Variants in KDM4C observed in about 807,000 individuals in gnomAD.
KDM4C encodes the protein lysine demethylase 4C.
Under a neutral mutation model 129.3 loss-of-function variants are expected in KDM4C, and 81 were observed. The observed-to-expected ratio is 0.63, with a 90% CI of 0.52 to 0.75. The LOEUF (loss-of-function observed/expected upper bound fraction) is 0.75. Ranked by LOEUF, KDM4C falls within the 30% of genes least tolerant of loss-of-function variation. The pLI is 0.00. For missense variants in KDM4C, 1,457 were observed against 1,304.0 expected (o/e 1.12, Z -1.81); for synonymous variants, 573 against 456.1 (o/e 1.26, Z -3.26).
chr9:7,019,477 A>G (rs1824267229), intron 15 of KDM4C, among the ~76,000 whole-genome samples: 1 of 151,778 alleles, frequency 6.6e-6, no homozygotes, highest in African/African-American at 2.4e-5. Context: ...TGCCTTGTGA[A>G]GGTAAGGTTA....
At position 6,938,850 on chromosome 9, in the gene KDM4C, A is replaced by C. The variant is rs548567712; in HGVS notation, c.922-42075A>C. Among the ~76,000 whole-genome samples, 45 of 85,032 alleles carry C rather than the reference A, an allele frequency of 5.3e-4. No homozygotes were observed. The East Asian group carries it at 0.013, about 24-fold the overall frequency. 55.8% of individuals were successfully genotyped at this position (85,032 alleles called of 152,430 possible). On this transcript the variant is annotated intron_variant, in intron 8 of 21. Transcript: ENST00000381309. ...TAAATATTTATTTTTCAGATACACT[A>C]ATAATAAAATATTATTGTTCTTTCA...
chr9:6,749,108 C>T, intron 1 of KDM4C: 1 of 430,812 alleles, frequency 2.3e-6, no homozygotes, highest in Non-Finnish European at 4.5e-6. Context: ...CAACCTCTGC[C>T]TCCTAGGTTC....
At chr9:6,956,247 G>A (rs972445839) in intron 8 of KDM4C, among the ~76,000 whole-genome samples, 2 of 152,188 alleles carry the variant, frequency 1.3e-5, no homozygotes, top group Non-Finnish European at 2.9e-5. Flanking sequence ...TACTTCAAGA[G>A]TGTAATTGGA....
intron 2 of KDM4C, among the ~76,000 whole-genome samples, chr9:6,799,353 A>T (rs567428828): frequency 3.3e-5 from 5 of 152,248 alleles, no homozygotes; most frequent in Non-Finnish European, 7.3e-5. Context: ...ACTCGCGGTT[A>T]GGAGCTGGAG....
chr9:6,819,344 C>A (rs1448641604), intron 4 of KDM4C, among the ~76,000 whole-genome samples: 1 of 152,160 alleles, frequency 6.6e-6, no homozygotes, highest in Non-Finnish European at 1.5e-5. Flanking sequence ...GGAACATTGA[C>A]TTTAGACTTC....
chr9:6,804,338 A>T (rs984632926), intron 2 of KDM4C, among the ~76,000 whole-genome samples: 1 of 152,194 alleles, frequency 6.6e-6, no homozygotes, highest in Non-Finnish European at 1.5e-5. Context: ...CCATGGTGGG[A>T]GTACTATGCC....
intron 17 of KDM4C, among the ~76,000 whole-genome samples, chr9:7,062,118 C>G (rs764398475): frequency 6.6e-6 from 1 of 152,232 alleles, no homozygotes; most frequent in South Asian, 2.1e-4. Context: ...CAGGTGCCTG[C>G]CACCACACAC....
At chr9:7,174,420 T>C (rs1845257838) in intron 21 of KDM4C, 133 bp from the exon 22 acceptor site, 1 of 747,546 alleles carries the variant, frequency 1.3e-6, no homozygotes, top group African/African-American at 1.7e-5. Flanking sequence ...AAGCCATGCC[T>C]GGGGCCCTTT....
Position 7,099,861 on chromosome 9 carries a change from C to T in KDM4C, c.2425-3824C>T, listed in dbSNP as rs537259689. ...TAACCTTCTTTCATTCCCCTCCCTG[C>T]AGAACATACACTTTTCAATTTTCAA... On this transcript the variant is annotated intron_variant, in intron 17 of 21. Transcript: ENST00000381309. Among the ~76,000 whole-genome samples, 3 of 152,272 alleles carry T rather than the reference C, an allele frequency of 2.0e-5. No individual in the cohort carries two copies. In the South Asian group the frequency reaches 6.2e-4, roughly 32 times the overall value.
intron 13 of KDM4C, among the ~76,000 whole-genome samples, chr9:7,013,437 A>T (rs1823059409): frequency 6.6e-6 from 1 of 152,202 alleles, no homozygotes; most frequent in African/African-American, 2.4e-5. Flanking sequence ...GTAGCAAGGT[A>T]TGATTCTTCA....
chr9:6,852,915 A>C lies in KDM4C; in HGVS notation c.629+3215A>C, dbSNP rs114837720. Among the ~76,000 whole-genome samples the C allele has an allele frequency of 2.3e-3, 355 of 151,990 alleles. 1 individual carries two copies. Among genetic ancestry groups the C allele is most frequent in the African/African-American group, 8.4e-3 (347 of 41,414 alleles). ...TTAGACATTGTTTTGGCATCTTACAACTGGTTGTGGCCACCCCTCCTGCCA... is the reference window on the plus strand; with the variant it reads ...TTAGACATTGTTTTGGCATCTTACACCTGGTTGTGGCCACCCCTCCTGCCA... On this transcript the variant is annotated intron_variant, in intron 5 of 21. Coordinates refer to ENST00000381309, the MANE Select transcript of KDM4C (RefSeq NM_015061.6).
chr9:6,741,473 A>G (rs1048756444), intron 1 of KDM4C, among the ~76,000 whole-genome samples: 1 of 152,124 alleles, frequency 6.6e-6, no homozygotes, highest in Admixed American at 6.6e-5. Context: ...TTACTCGGGT[A>G]TTTAGCCTTT....
chr9:7,156,937 C>A (rs1000925753), intron 19 of KDM4C, among the ~76,000 whole-genome samples: 1 of 152,146 alleles, frequency 6.6e-6, no homozygotes, highest in Non-Finnish European at 1.5e-5. Context: ...TATAAATTAC[C>A]TTGGGCAGTG....
chr9:7,091,580 A>G (rs78426872), intron 17 of KDM4C, among the ~76,000 whole-genome samples: 1 of 152,046 alleles, frequency 6.6e-6, no homozygotes, highest in African/African-American at 2.4e-5. Flanking sequence ...TGTATTTATA[A>G]AAAAATAATT....
intron 13 of KDM4C, among the ~76,000 whole-genome samples, chr9:7,013,279 G>A (rs1263007340): frequency 6.6e-6 from 1 of 152,088 alleles, no homozygotes; most frequent in Non-Finnish European, 1.5e-5. Flanking sequence ...AATTTTGTTT[G>A]ATACATTATC....
At chr9:6,926,521 AC>A (rs1169938278) in intron 8 of KDM4C, among the ~76,000 whole-genome samples, 1 of 152,190 alleles carries the variant, frequency 6.6e-6, no homozygotes, top group African/African-American at 2.4e-5. Flanking sequence ...GCAAGCAGTT[AC>A]AGAATAAAAA....
Position 7,060,553 on chromosome 9 carries a change from T to C in KDM4C, c.2424+11353T>C, listed in dbSNP as rs113806467. Reference sequence around the variant, plus strand: ...CTGGAGTGCAGTGGTGCGATCTCGGTTCACTGCAACCTCCGCGTCCCGGGT... The same window carrying C: ...CTGGAGTGCAGTGGTGCGATCTCGGCTCACTGCAACCTCCGCGTCCCGGGT... On this transcript the variant is annotated intron_variant, in intron 17 of 21. Transcript: ENST00000381309. Among the ~76,000 whole-genome samples the C allele has an allele frequency of 3.7e-3, 566 of 151,356 alleles. 4 individuals carry two copies. Among genetic ancestry groups the C allele is most frequent in the African/African-American group, 0.013 (526 of 41,338 alleles).
intron 1 of KDM4C, chr9:6,734,587 C>A (rs1354480086): frequency 4.4e-6 from 1 of 226,802 alleles, no homozygotes; most frequent in Non-Finnish European, 8.6e-6. Flanking sequence ...TGTCACCATG[C>A]CTGGCCTGCA....
At chr9:7,062,084 C>T (rs1292691672) in intron 17 of KDM4C, among the ~76,000 whole-genome samples, 1 of 152,054 alleles carries the variant, frequency 6.6e-6, no homozygotes, top group Non-Finnish European at 1.5e-5. Flanking sequence ...TCTCCTACCT[C>T]AGCGTCCCAA....
Sources: allele counts gnomAD v4.1 joint callset (sites outside exome capture counted in the v4.1 genomes callset), GRCh38; gene constraint gnomAD v4.1.1; transcripts MANE v1.5; gene names NCBI Gene and HGNC (gene_info 2026-07-23, HGNC 2026-07-21).